Variants in NPAS3 observed in about 807,000 individuals in gnomAD.
NPAS3 encodes neuronal PAS domain-containing protein 3.
Under a neutral mutation model 73.1 loss-of-function variants are expected in NPAS3, and 14 were observed. The ratio of observed to expected loss-of-function variants is 0.19; its 90% CI spans 0.13 to 0.30. The LOEUF is 0.30. Ranked by LOEUF, NPAS3 falls within the 10% of genes least tolerant of loss-of-function variation. The probability of loss-of-function intolerance (pLI) is 1.00; values close to 1 mark genes in which losing one functional copy is unlikely to be tolerated. For synonymous variants in NPAS3, 620 were observed against 541.5 expected, an observed-to-expected ratio of 1.14 and a Z score of -2.01; for missense variants, 1,096 against 1,250.0, an observed-to-expected ratio of 0.88 and a Z score of 1.86.
intron 4 of NPAS3, among the ~76,000 whole-genome samples, chr14:33,518,293 T>G (rs1266290945): frequency 6.6e-6 from 1 of 151,356 alleles, no homozygotes; most frequent in African/African-American, 2.4e-5. Context: ...TAACTCATGG[T>G]GGGGGTGGGA....
chr14:33,012,418 A>C (rs1433270331), intron 1 of NPAS3, among the ~76,000 whole-genome samples: 1 of 152,238 alleles, frequency 6.6e-6, no homozygotes. Flanking sequence ...TAACTTGCTA[A>C]ATAGCGGGAA....
intron 5 of NPAS3, chr14:33,578,280 A>G (rs1595195312): frequency 6.6e-6 from 3 of 452,358 alleles, no homozygotes; most frequent in Non-Finnish European, 1.3e-5. Context: ...CACAACCTCC[A>G]CCTCCTGGGT....
intron 6 of NPAS3, among the ~76,000 whole-genome samples, chr14:33,688,992 G>C (rs1305755619): frequency 6.6e-6 from 1 of 152,218 alleles, no homozygotes; most frequent in African/African-American, 2.4e-5. Flanking sequence ...TGGTTAACTT[G>C]CAGGTTACCC....
intron 6 of NPAS3, among the ~76,000 whole-genome samples, chr14:33,730,275 G>A (rs1488262627): frequency 6.6e-6 from 1 of 152,128 alleles, no homozygotes. Context: ...ATGACCTTTG[G>A]AGTCCGACAA....
intron 1 of NPAS3, among the ~76,000 whole-genome samples, chr14:33,014,102 C>G (rs1225432401): frequency 6.6e-6 from 1 of 152,028 alleles, no homozygotes; most frequent in Non-Finnish European, 1.5e-5. Context: ...AGGTATTACT[C>G]AAATCAGAAA....
intron 4 of NPAS3, among the ~76,000 whole-genome samples, chr14:33,368,838 C>T (rs935874557): frequency 2.0e-5 from 3 of 152,064 alleles, no homozygotes; most frequent in Admixed American, 2.0e-4. Context: ...TTGTATGGAC[C>T]GTGACATATA....
At chr14:33,105,566 A>G (rs113808149) in intron 2 of NPAS3, among the ~76,000 whole-genome samples, 38 of 152,250 alleles carry the variant, frequency 2.5e-4, no homozygotes, top group African/African-American at 8.7e-4. Context: ...ATTAGATTAC[A>G]TGGGCTACTA....
chr14:33,367,293 T>C, intron 4 of NPAS3, 25 bp downstream of exon 4: 1 of 828,066 alleles, frequency 1.2e-6, no homozygotes, highest in Non-Finnish European at 2.1e-6. Flanking sequence ...AAAAGAAGCT[T>C]TCTTATATTT....
At chr14:32,971,992 G>A (rs1054170068) in intron 1 of NPAS3, among the ~76,000 whole-genome samples, 1 of 142,002 alleles carries the variant, frequency 7.0e-6, no homozygotes, top group African/African-American at 2.6e-5. Flanking sequence ...AGGCAGGAGT[G>A]CAGTGGCGCA....
intron 1 of NPAS3, among the ~76,000 whole-genome samples, chr14:32,962,128 T>C (rs2036948843): frequency 6.6e-6 from 1 of 152,186 alleles, no homozygotes. Flanking sequence ...AGAAACTGTT[T>C]CTATGTGGAT....
chr14:33,557,486 A>C (rs2055413114), intron 4 of NPAS3, among the ~76,000 whole-genome samples: 1 of 152,226 alleles, frequency 6.6e-6, no homozygotes, highest in South Asian at 2.1e-4. Flanking sequence ...TAAATATTTT[A>C]ATTTCAGAAA....
chr14:33,537,481 T>C (rs2054307987), intron 4 of NPAS3, among the ~76,000 whole-genome samples: 1 of 152,220 alleles, frequency 6.6e-6, no homozygotes, highest in South Asian at 2.1e-4. Flanking sequence ...AAAATATGGC[T>C]AGTTCATAGA....
At chr14:33,081,280 C>T (rs2041855650) in intron 2 of NPAS3, among the ~76,000 whole-genome samples, 1 of 152,096 alleles carries the variant, frequency 6.6e-6, no homozygotes, top group African/African-American at 2.4e-5. Flanking sequence ...TCTCTCATTT[C>T]AGAACCTTGA....
rs149420857 is a variant in NPAS3 at position 33,240,341 on chromosome 14, T to C, written c.385+24915T>C. On this transcript the variant is annotated intron_variant, in intron 3 of 11. Transcript: ENST00000356141. ...TGTTTATATTAAGCTAATTCCTGGC[T>C]CCATTTTGGGTCCCTACTCTTATTT... 5.3e-5 allele frequency among the ~76,000 whole-genome samples: 8 copies of C among 151,944 alleles called. No homozygotes were observed. In the East Asian group the frequency reaches 1.4e-3, roughly 26 times the overall value.
chr14:33,311,405 G>T (rs1266501366), intron 3 of NPAS3, among the ~76,000 whole-genome samples: 1 of 152,086 alleles, frequency 6.6e-6, no homozygotes, highest in Non-Finnish European at 1.5e-5. Context: ...TAAGTATTAT[G>T]TTCTCCTTGT....
At chr14:33,456,534 A>C (rs1030976) in intron 4 of NPAS3, among the ~76,000 whole-genome samples, 91,945 of 151,978 alleles carry the variant, frequency 0.6, 28,587 homozygotes, top group East Asian at 0.72. Context: ...AAATAAGAAG[A>C]CCAGTCCTCA....
intron 2 of NPAS3, among the ~76,000 whole-genome samples, chr14:33,062,834 G>A: frequency 6.6e-6 from 1 of 152,214 alleles, no homozygotes; most frequent in East Asian, 1.9e-4. Context: ...AACTTAAACT[G>A]TGGTTTCAGT....
intron 5 of NPAS3, among the ~76,000 whole-genome samples, chr14:33,664,760 G>A (rs921420324): frequency 6.6e-5 from 10 of 152,170 alleles, no homozygotes; most frequent in Non-Finnish European, 1.5e-5. Flanking sequence ...ATGAAAAAAG[G>A]CTCAACATCA....
At chr14:33,504,324 T>C (rs2052658660) in intron 4 of NPAS3, among the ~76,000 whole-genome samples, 1 of 151,968 alleles carries the variant, frequency 6.6e-6, no homozygotes, top group South Asian at 2.1e-4. Flanking sequence ...AGGTTTTATA[T>C]TGCATGTGCT....
Sources: allele counts gnomAD v4.1 joint callset (sites outside exome capture counted in the v4.1 genomes callset), GRCh38; gene constraint gnomAD v4.1.1; transcripts MANE v1.5; gene names NCBI Gene and HGNC (gene_info 2026-07-23, HGNC 2026-07-21).